PHKB: variants seen among roughly 807,000 people sequenced by gnomAD.
The protein encoded by PHKB is phosphorylase kinase regulatory subunit beta, also known as phosphorylase b kinase regulatory subunit beta.
PHKB carries 122 observed loss-of-function variants against 152.1 expected under a neutral mutation model. The ratio of observed to expected loss-of-function variants is 0.80; its 90% CI spans 0.69 to 0.93. The LOEUF is 0.93. Ranked by LOEUF, PHKB falls within the 40% of genes least tolerant of loss-of-function variation. PHKB has a pLI of 0.00. For missense variants in PHKB, 1,304 were observed against 1,328.4 expected (o/e 0.98, Z 0.29); for synonymous variants, 436 against 464.9 (o/e 0.94, Z 0.80).
At chr16:47,583,034 T>G (rs1971876132) in intron 8 of PHKB, among the ~76,000 whole-genome samples, 2 of 152,160 alleles carry the variant, frequency 1.3e-5, no homozygotes, top group African/African-American at 4.8e-5. Context: ...TTACCTCAGG[T>G]GATCCACCCG....
chr16:47,667,269 A>G (rs1219703809), intron 25 of PHKB, among the ~76,000 whole-genome samples: 1 of 151,766 alleles, frequency 6.6e-6, no homozygotes, highest in Admixed American at 6.6e-5. Flanking sequence ...TATCTCTGCA[A>G]AAAAAAGAAA....
chr16:47,688,824 C>T (rs1258105554), intron 26 of PHKB, among the ~76,000 whole-genome samples: 9 of 151,866 alleles, frequency 5.9e-5, no homozygotes, highest in Non-Finnish European at 1.2e-4. Flanking sequence ...TGTTGTACAA[C>T]CTCACCACCT....
intron 1 of PHKB, among the ~76,000 whole-genome samples, chr16:47,468,769 C>T (rs1597008001): frequency 6.6e-6 from 1 of 152,226 alleles, no homozygotes; most frequent in South Asian, 2.1e-4. Flanking sequence ...CAGAATTCTC[C>T]TCTTCTTCTC....
At chr16:47,673,438 G>T (rs2142083611) in intron 26 of PHKB, among the ~76,000 whole-genome samples, 1 of 152,158 alleles carries the variant, frequency 6.6e-6, no homozygotes, top group South Asian at 2.1e-4. Context: ...TATAAAAGAA[G>T]ATTTAATTAA....
intron 14 of PHKB, 67 bp from the exon 15 acceptor site, chr16:47,640,968 T>C (rs1034456826): frequency 1.4e-6 from 2 of 1,391,428 alleles, no homozygotes; most frequent in Non-Finnish European, 1.0e-6. Flanking sequence ...TGTCCTTGTT[T>C]CTCATTGTAG....
At chr16:47,624,300 T>C (rs1489606645) in intron 14 of PHKB, among the ~76,000 whole-genome samples, 1 of 152,152 alleles carries the variant, frequency 6.6e-6, no homozygotes, top group Non-Finnish European at 1.5e-5. Context: ...CTCCTAATCA[T>C]ATCATTAATC....
chr16:47,524,623 C>A (rs901120037), intron 6 of PHKB, among the ~76,000 whole-genome samples: 1 of 152,056 alleles, frequency 6.6e-6, no homozygotes, highest in Non-Finnish European at 1.5e-5. Flanking sequence ...ACAAAAATTA[C>A]CTGGGAGTGG....
At chr16:47,644,764 C>G (rs574534775) in intron 16 of PHKB, among the ~76,000 whole-genome samples, 2 of 151,996 alleles carry the variant, frequency 1.3e-5, no homozygotes, top group East Asian at 3.9e-4. Flanking sequence ...AAGGGAAGTC[C>G]ATTTTTAGAA....
rs139244326 is a variant in PHKB at position 47,625,924 on chromosome 16, G to A, written c.1458+15004G>A. ...GGATGCTCCCTGTCTTGCCCTCAAA[G>A]TACCCATTAAGAGCATCGTATTTAA... is the stretch of plus-strand genomic sequence containing the variant. On this transcript the variant is annotated intron_variant, in intron 14 of 30. Coordinates refer to ENST00000323584, the MANE Select transcript of PHKB (RefSeq NM_000293.3). Among the ~76,000 whole-genome samples the A allele has an allele frequency of 2.7e-3, 410 of 152,204 alleles. 5 individuals are homozygous for A. Among genetic ancestry groups the A allele is most frequent in the African/African-American group, 9.5e-3 (396 of 41,542 alleles).
chr16:47,592,353 C>G (rs2151699396), intron 10 of PHKB, among the ~76,000 whole-genome samples: 1 of 152,400 alleles, frequency 6.6e-6, no homozygotes, highest in South Asian at 2.1e-4. Flanking sequence ...CAAGGCCCTT[C>G]CCGATCTGGC....
chr16:47,583,821 T>G (rs1171919988), intron 8 of PHKB, among the ~76,000 whole-genome samples: 1 of 152,254 alleles, frequency 6.6e-6, no homozygotes, highest in Non-Finnish European at 1.5e-5. Context: ...GCATTTTCTT[T>G]GAAAACTCTT....
At chr16:47,556,480 C>T (rs143634353) in intron 7 of PHKB, among the ~76,000 whole-genome samples, 10,466 of 152,090 alleles carry the variant, frequency 0.069, 596 homozygotes, top group African/African-American at 0.15. Flanking sequence ...TAGCATGAAG[C>T]GTTGTTGAAT....
chr16:47,473,554 A>G (rs1426699143), intron 1 of PHKB, among the ~76,000 whole-genome samples: 1 of 151,948 alleles, frequency 6.6e-6, no homozygotes, highest in Non-Finnish European at 1.5e-5. Flanking sequence ...CAATCACATG[A>G]TTATTAGTCC....
chr16:47,477,179 C>T (rs1969883209), intron 1 of PHKB, among the ~76,000 whole-genome samples: 1 of 152,128 alleles, frequency 6.6e-6, no homozygotes, highest in Admixed American at 6.5e-5. Flanking sequence ...ATTAATTGCT[C>T]TACTGGTTCC....
intron 18 of PHKB, among the ~76,000 whole-genome samples, chr16:47,650,180 G>A (rs1212207718): frequency 2.0e-5 from 3 of 152,098 alleles, no homozygotes; most frequent in Non-Finnish European, 2.9e-5. Context: ...GGGAGGCTGA[G>A]GCAGGTGGAT....
intron 1 of PHKB, among the ~76,000 whole-genome samples, chr16:47,473,218 ATTTTTTTTTTTTTTTTTT>A (rs1043960499): frequency 0.016 from 783 of 48,844 alleles, 27 homozygotes; most frequent in African/African-American, 0.055. Flanking sequence ...TGCCTGGCTA[ATTTTTTTTTTTTTTTTTT>A]TTTTTTTTTT....
chr16:47,693,903 T>G (rs2142107496), intron 28 of PHKB, among the ~76,000 whole-genome samples: 1 of 152,322 alleles, frequency 6.6e-6, no homozygotes, highest in Middle Eastern at 3.4e-3. Context: ...AGCTTAGAGT[T>G]TCCTATATTG....
intron 1 of PHKB, among the ~76,000 whole-genome samples, chr16:47,476,104 A>G (rs1017668832): frequency 6.6e-5 from 10 of 151,742 alleles, no homozygotes; most frequent in African/African-American, 2.4e-4. Flanking sequence ...TCCTGTCCTC[A>G]AGCAATCCTT....
At chr16:47,683,508 TCA>T (rs1410038982) in intron 26 of PHKB, among the ~76,000 whole-genome samples, 1 of 152,196 alleles carries the variant, frequency 6.6e-6, no homozygotes, top group Non-Finnish European at 1.5e-5. Flanking sequence ...CAGTTTGATC[TCA>T]GACTGCTGTG....
Sources: gnomAD v4.1 joint callset for allele counts (sites outside exome capture counted in the v4.1 genomes callset) on GRCh38, gnomAD v4.1.1 for gene constraint, MANE v1.5 for transcripts, NCBI Gene and HGNC (gene_info 2026-07-23, HGNC 2026-07-21) for gene names.